Variants in EDIL3 observed in about 807,000 individuals in gnomAD.
EDIL3 encodes the protein EGF like and discoidin domains 3, also known as EGF-like repeat and discoidin I-like domain-containing protein 3.
In EDIL3, 37 loss-of-function variants were observed where a neutral mutation model predicts 67.4. That is an observed-to-expected ratio of 0.55 (90% CI 0.42 to 0.72). The LOEUF is 0.72. EDIL3 is among the 30% of genes least tolerant of loss of function. The pLI is 0.00. For missense variants in EDIL3, 527 were observed against 586.3 expected (o/e 0.90, Z 1.04); for synonymous variants, 195 against 196.3 (o/e 0.99, Z 0.05).
rs888171460 is a variant in EDIL3 at position 84,159,350 on chromosome 5, G to A, written c.355+21043C>T. Among the ~76,000 whole-genome samples, 4 of 151,978 alleles carry A rather than the reference G, an allele frequency of 2.6e-5. 1 individual carries two copies. Among genetic ancestry groups the A allele is most frequent in the Non-Finnish European group, 2.9e-5 (2 of 67,932 alleles). On this transcript the variant is annotated intron_variant, in intron 4 of 10. Transcript: ENST00000296591. ...TTTTATCGTGTTTCAAAAATCATAC[G>A]TAGACCAAGTGTGTAGGTAGAAAAT...
intron 1 of EDIL3, among the ~76,000 whole-genome samples, chr5:84,380,057 G>T (rs1164438484): frequency 6.6e-6 from 1 of 151,812 alleles, no homozygotes; most frequent in African/African-American, 2.4e-5. Context: ...AGTATTTATA[G>T]TACTTAAATT....
intron 2 of EDIL3, among the ~76,000 whole-genome samples, chr5:84,242,147 G>C (rs1036206810): frequency 3.3e-5 from 5 of 151,658 alleles, no homozygotes; most frequent in African/African-American, 1.2e-4. Flanking sequence ...CAGGAGAATG[G>C]CGTGAACCTG....
chr5:83,954,282 T>C (rs1229308136), intron 10 of EDIL3, among the ~76,000 whole-genome samples: 60 of 151,706 alleles, frequency 4.0e-4, no homozygotes, highest in Admixed American at 3.9e-3. Context: ...TATATTCTAA[T>C]TGATATAGTT....
intron 1 of EDIL3, among the ~76,000 whole-genome samples, chr5:84,379,369 C>T (rs905482944): frequency 5.3e-5 from 8 of 152,092 alleles, no homozygotes; most frequent in African/African-American, 1.4e-4. Flanking sequence ...TGACATTTGT[C>T]TCTTTTGGCC....
In EDIL3 at chr5:84,130,896, A is replaced by C. The variant is rs74865896; in HGVS notation, c.469+6345T>G. ...TCTCCTATAATGATTTTGGGTAAAT[A>C]ATATTTATTTAAACTTATATTAATG... On this transcript the variant is annotated intron_variant, in intron 5 of 10. Coordinates refer to ENST00000296591, the MANE Select transcript of EDIL3 (RefSeq NM_005711.5). Among the ~76,000 whole-genome samples, 234 of 152,260 alleles carry C rather than the reference A, an allele frequency of 1.5e-3. 4 individuals carry two copies. The East Asian group carries it at 0.041, about 27-fold the overall frequency.
chr5:84,314,627 G>A (rs1193109833), intron 1 of EDIL3, among the ~76,000 whole-genome samples: 3 of 152,070 alleles, frequency 2.0e-5, no homozygotes, highest in Admixed American at 2.0e-4. Context: ...TCCAAAACAC[G>A]TTGAAGATAA....
chr5:83,981,681 A>G (rs1283122047), intron 9 of EDIL3, among the ~76,000 whole-genome samples: 2 of 152,052 alleles, frequency 1.3e-5, no homozygotes, highest in Non-Finnish European at 2.9e-5. Context: ...CAATTCTGCT[A>G]CCCCAGAGTA....
chr5:84,228,345 C>T (rs10474123), intron 3 of EDIL3, among the ~76,000 whole-genome samples: 47,151 of 151,900 alleles, frequency 0.31, 7,538 homozygotes, highest in African/African-American at 0.38. Flanking sequence ...AAATACACCA[C>T]AATAGACAGA....
chr5:84,004,244 C>T (rs1287779771), intron 9 of EDIL3, among the ~76,000 whole-genome samples: 1 of 151,896 alleles, frequency 6.6e-6, no homozygotes, highest in Non-Finnish European at 1.5e-5. Context: ...TTTCAACAAC[C>T]CACTGATGAT....
intron 6 of EDIL3, among the ~76,000 whole-genome samples, chr5:84,070,469 G>A (rs962520675): frequency 2.0e-5 from 3 of 152,154 alleles, no homozygotes; most frequent in Non-Finnish European, 4.4e-5. Context: ...CTGAAGAAGG[G>A]AGCCACATCC....
chr5:84,080,298 C>CA (rs369961167), intron 6 of EDIL3, among the ~76,000 whole-genome samples: 836 of 54,242 alleles, frequency 0.015, 39 homozygotes, highest in African/African-American at 0.049. Flanking sequence ...GACTCTGTCT[C>CA]AAAAAAAAAA....
chr5:83,994,200 C>T (rs1025378879), intron 9 of EDIL3, among the ~76,000 whole-genome samples: 5 of 152,108 alleles, frequency 3.3e-5, no homozygotes, highest in Non-Finnish European at 7.3e-5. Flanking sequence ...GGTTATGAAA[C>T]TTAATTTATA....
At chr5:84,317,572 T>C (rs765232749) in intron 1 of EDIL3, among the ~76,000 whole-genome samples, 2 of 152,070 alleles carry the variant, frequency 1.3e-5, no homozygotes, top group Admixed American at 6.6e-5. Context: ...AATAGACCAA[T>C]AACAGGTTCT....
intron 5 of EDIL3, among the ~76,000 whole-genome samples, chr5:84,130,054 A>G (rs373992843): frequency 6.6e-6 from 1 of 152,138 alleles, no homozygotes; most frequent in Non-Finnish European, 1.5e-5. Context: ...CTATTTATTC[A>G]TCATTTTCTT....
intron 6 of EDIL3, among the ~76,000 whole-genome samples, chr5:84,079,038 A>G (rs921282676): frequency 2.0e-5 from 3 of 152,088 alleles, no homozygotes; most frequent in African/African-American, 7.2e-5. Context: ...CTGGCCAATG[A>G]TTTCATCAAT....
At chr5:83,969,683 C>G (rs1744757100) in intron 9 of EDIL3, among the ~76,000 whole-genome samples, 2 of 151,858 alleles carry the variant, frequency 1.3e-5, no homozygotes, top group Non-Finnish European at 2.9e-5. Flanking sequence ...GAAAATTACA[C>G]TCTTCCATCT....
chr5:84,217,947 T>A (rs1482500620), intron 3 of EDIL3, among the ~76,000 whole-genome samples: 4 of 152,148 alleles, frequency 2.6e-5, no homozygotes, highest in African/African-American at 9.7e-5. Flanking sequence ...CTGGCTTGTC[T>A]CCTAACATTC....
At chr5:84,218,429 A>G (rs1744275652) in intron 3 of EDIL3, among the ~76,000 whole-genome samples, 2 of 152,230 alleles carry the variant, frequency 1.3e-5, no homozygotes. Context: ...AAGTTTAAAA[A>G]GAAAGGATCA....
intron 4 of EDIL3, among the ~76,000 whole-genome samples, chr5:84,160,819 C>CCTTTT (rs1258829510): frequency 0.013 from 890 of 69,094 alleles, 57 homozygotes; most frequent in African/African-American, 0.053. Flanking sequence ...CCTTTCCTTT[C>CCTTTT]CCTTTCCTTT....
Sources: gnomAD v4.1 joint callset for allele counts (sites outside exome capture counted in the v4.1 genomes callset) on GRCh38, gnomAD v4.1.1 for gene constraint, MANE v1.5 for transcripts, NCBI Gene and HGNC (gene_info 2026-07-23, HGNC 2026-07-21) for gene names.